PCDHGB5: variants seen among roughly 807,000 people sequenced by gnomAD.
PCDHGB5 encodes protocadherin gamma-B5.
PCDHGB5 carries 48 observed loss-of-function variants against 62.9 expected under a neutral mutation model. That is an observed-to-expected ratio of 0.76 (90% CI 0.61 to 0.97). PCDHGB5 has a LOEUF of 0.97. Among genes scored for constraint, PCDHGB5 ranks in the 50% least tolerant of loss-of-function variants. PCDHGB5 has a pLI of 0.00. For missense variants in PCDHGB5, 1,118 were observed against 1,198.6 expected, an observed-to-expected ratio of 0.93 and a Z score of 0.99; for synonymous variants, 474 against 511.2, an observed-to-expected ratio of 0.93 and a Z score of 0.98.
rs1174255078 is a variant in PCDHGB5, at chr5:141,399,162, C to T, written c.1035C>T (p.Phe345=). Reference sequence around the variant, plus strand: ...ATGACAATAGCCCAGAAGTTACATTCCATTCTCTACTTGAAATGATTCTGG... The same window carrying T: ...ATGACAATAGCCCAGAAGTTACATTTCATTCTCTACTTGAAATGATTCTGG... ...DENDNSPEVT[F]HSLLEMILEN... The change falls in exon 1 of 4, where the codon TTC becomes TTT. Residue 345 remains phenylalanine, a synonymous_variant. Transcript: ENST00000617380. 6.2e-7 allele frequency: 1 copy of T among 1,613,664 alleles called. No individual in the cohort carries two copies. The highest frequency in any genetic ancestry group is 1.1e-5 in the South Asian group (1 of 91,072).
intron 1 of PCDHGB5, among the ~76,000 whole-genome samples, chr5:141,435,357 T>C (rs749223776): frequency 6.6e-6 from 1 of 152,208 alleles, no homozygotes; most frequent in Non-Finnish European, 1.5e-5. Flanking sequence ...CATTTAAAAT[T>C]TTATCACTTA....
At chr5:141,404,469 C>T (rs1239367876) in intron 1 of PCDHGB5, 3 of 1,612,966 alleles carry the variant, frequency 1.9e-6, no homozygotes, top group African/African-American at 1.3e-5. Flanking sequence ...ACCTATGTCT[C>T]TATTAACTCA....
intron 1 of PCDHGB5, among the ~76,000 whole-genome samples, chr5:141,451,644 G>A (rs1730833205): frequency 6.6e-6 from 1 of 152,178 alleles, no homozygotes; most frequent in Non-Finnish European, 1.5e-5. Context: ...CACTCTGAGA[G>A]GCCAAGGAGG....
At chr5:141,468,024 T>C (rs1386255481) in intron 1 of PCDHGB5, among the ~76,000 whole-genome samples, 1 of 152,046 alleles carries the variant, frequency 6.6e-6, no homozygotes, top group African/African-American at 2.4e-5. Flanking sequence ...TGAAGTAAAA[T>C]ACTTCATTTA....
chr5:141,409,577 G>A, intron 1 of PCDHGB5: 1 of 1,613,920 alleles, frequency 6.2e-7, no homozygotes, highest in South Asian at 1.1e-5. Context: ...GTCCTACGTG[G>A]TCCACGTGGC....
At chr5:141,406,255 A>G (rs1456869005) in intron 1 of PCDHGB5, among the ~76,000 whole-genome samples, 1 of 151,948 alleles carries the variant, frequency 6.6e-6, no homozygotes, top group Admixed American at 6.5e-5. Context: ...ACTGGTCTCA[A>G]ACGATCTTCC....
Position 141,432,229 on chromosome 5 carries a change from C to T in PCDHGB5, c.2397+31705C>T, listed in dbSNP as rs1246285803. Reference sequence around the variant, plus strand: ...AAGAGAACGCCCAGATCACTTATTCCCTGGCTGAGAACACCATCCAAGGGG... The same window carrying T: ...AAGAGAACGCCCAGATCACTTATTCTCTGGCTGAGAACACCATCCAAGGGG... On this transcript the variant is annotated intron_variant, in intron 1 of 3. Coordinates refer to ENST00000617380, the MANE Select transcript of PCDHGB5 (RefSeq NM_018925.3). The surrounding 1 kb of genome is among the most constrained non-coding windows in gnomAD (Gnocchi z 6.0). The T allele has an allele frequency of 6.2e-7, 1 of 1,614,232 alleles. No homozygotes were observed.
At chr5:141,403,978 C>T (rs965753943) in intron 1 of PCDHGB5, 2 of 1,613,714 alleles carry the variant, frequency 1.2e-6, no homozygotes, top group African/African-American at 2.7e-5. Context: ...ATGTAAATGA[C>T]AATAGACCTG....
chr5:141,406,434 A>G (rs1203599965), intron 1 of PCDHGB5, among the ~76,000 whole-genome samples: 1 of 152,238 alleles, frequency 6.6e-6, no homozygotes, highest in Non-Finnish European at 1.5e-5. Context: ...TATTGCTTCT[A>G]TTCTTCCATT....
chr5:141,491,110 C>T lies in PCDHGB5; in HGVS notation c.2398-3697C>T. On this transcript the variant is annotated intron_variant, in intron 1 of 3. Transcript: ENST00000617380. This position sits in a 1 kb window ranked among gnomAD's most constrained non-coding sequence, Gnocchi z 6.9. ...CCCAGGACTGTTCCTCGTGTCTACA[C>T]ACACTGGTGAGGTGCGCACAGCCCG... 3.7e-6 allele frequency: 6 copies of T among 1,614,212 alleles called. No individual in the cohort carries two copies. Among genetic ancestry groups the T allele is most frequent in the Non-Finnish European group, 5.1e-6 (6 of 1,180,024 alleles).
rs748950800 is a variant in PCDHGB5, at chr5:141,476,983, C to T, written c.2398-17824C>T. ...ACTCCTTCGGCAGCCACAACCGCGC[C>T]GGCGTGCGGCAACTATTCGCCTTAG... On this transcript the variant is annotated intron_variant, in intron 1 of 3. Transcript: ENST00000617380. The surrounding 1 kb of genome is among the most constrained non-coding windows in gnomAD (Gnocchi z 7.6). 12 of 1,614,096 alleles carry T rather than the reference C, an allele frequency of 7.4e-6. No individual in the cohort carries two copies. The highest frequency in any genetic ancestry group is 8.5e-7 in the Non-Finnish European group (1 of 1,180,046).
chr5:141,421,964 C>T (rs772274014), intron 1 of PCDHGB5: 3 of 1,611,472 alleles, frequency 1.9e-6, no homozygotes, highest in Non-Finnish European at 1.7e-6. Flanking sequence ...TTTACACAGT[C>T]CGTATATCGC....
chr5:141,409,278 A>C, intron 1 of PCDHGB5: 1 of 1,614,022 alleles, frequency 6.2e-7, no homozygotes, highest in Non-Finnish European at 8.5e-7. Flanking sequence ...ATTTTGGAGA[A>C]TTCACCTCCA....
intron 1 of PCDHGB5, among the ~76,000 whole-genome samples, chr5:141,460,983 GTA>G (rs59296681): frequency 1.2e-4 from 16 of 137,836 alleles, no homozygotes; most frequent in East Asian, 2.1e-4. Context: ...GTGTGTGTGT[GTA>G]TATATATATA....
chr5:141,462,183 C>A (rs1439465872), intron 1 of PCDHGB5, among the ~76,000 whole-genome samples: 1 of 152,158 alleles, frequency 6.6e-6, no homozygotes. Flanking sequence ...TGGTCTTGAA[C>A]TCCTGACCTC....
chr5:141,497,885 A>T (rs1469477968), intron 2 of PCDHGB5, among the ~76,000 whole-genome samples: 1 of 152,166 alleles, frequency 6.6e-6, no homozygotes, highest in Non-Finnish European at 1.5e-5. Flanking sequence ...AAGCGTTAGG[A>T]TCTAGTCCAG....
Position 141,485,605 on chromosome 5 carries a change from G to A in PCDHGB5, c.2398-9202G>A. On this transcript the variant is annotated intron_variant, in intron 1 of 3. Transcript: ENST00000617380. This position sits in a 1 kb window ranked among gnomAD's most constrained non-coding sequence, Gnocchi z 5.7. The stretch of plus-strand genomic sequence containing the variant: ...AGCAGCTGGACTTGGAAATTGGGGA[G>A]GCAGCTCCTCCAGGACAGCGTTTCC... 6.2e-7 allele frequency: 1 copy of A among 1,612,448 alleles called. No homozygotes were observed. Among genetic ancestry groups the A allele is most frequent in the Non-Finnish European group, 8.5e-7 (1 of 1,178,750 alleles).
intron 1 of PCDHGB5, chr5:141,404,120 C>T (rs1224189151): frequency 1.2e-6 from 2 of 1,613,312 alleles, no homozygotes; most frequent in East Asian, 4.5e-5. Flanking sequence ...CCAGGAGAAT[C>T]TATCTTTTAC....
At chr5:141,408,177 G>C (rs1359754385) in intron 1 of PCDHGB5, 3 of 1,534,464 alleles carry the variant, frequency 2.0e-6, no homozygotes, top group Non-Finnish European at 2.6e-6. Context: ...GGAAAAGCGG[G>C]GACCCAGCGA....
Sources: allele counts gnomAD v4.1 joint callset (sites outside exome capture counted in the v4.1 genomes callset), GRCh38; gene constraint gnomAD v4.1.1; non-coding constraint Gnocchi (gnomAD v3.1); transcripts MANE v1.5; gene names NCBI Gene and HGNC (gene_info 2026-07-23, HGNC 2026-07-21).